Variants in COPS8 observed in about 807,000 individuals in gnomAD.
COPS8 encodes COP9 signalosome complex subunit 8.
A neutral mutation model predicts 31.5 loss-of-function variants in COPS8; 11 were observed. The observed-to-expected ratio is 0.35, with a 90% CI of 0.22 to 0.58. The LOEUF (loss-of-function observed/expected upper bound fraction) is 0.58, where lower values mean the gene tolerates loss of function less well. COPS8 is among the 20% of genes least tolerant of loss of function. COPS8 has a pLI of 0.83. For missense variants in COPS8, 215 were observed against 255.1 expected (o/e 0.84, Z 1.07); for synonymous variants, 81 against 89.3 (o/e 0.91, Z 0.52).
In COPS8 at chr2:237,089,990, T is replaced by C. The variant is rs1347338599; in HGVS notation, c.327T>C (p.Leu109=). 6.2e-7 allele frequency: 1 copy of C among 1,613,636 alleles called. No homozygotes were observed. Among genetic ancestry groups the C allele is most frequent in the South Asian group, 1.1e-5 (1 of 90,980 alleles). The change falls in exon 4 of 8, where the codon CTT becomes CTC. Residue 109 remains leucine, a synonymous_variant. Coordinates refer to ENST00000354371, the MANE Select transcript of COPS8 (RefSeq NM_006710.5). The part of the protein sequence containing the change: ...SETVQPIMEA[L]RDATRRRAFA... Reference sequence around the variant, plus strand: ...CGGTCCAGCCAATTATGGAAGCACTTAGAGGTAGTGTTTCTTTGTGGTTAA... The same window carrying C: ...CGGTCCAGCCAATTATGGAAGCACTCAGAGGTAGTGTTTCTTTGTGGTTAA...
At position 237,097,954 on chromosome 2, in the gene COPS8, GTATT is replaced by G; in HGVS notation, c.*215_*218del. On this transcript the variant is annotated 3_prime_UTR_variant, in exon 8 of 8. Coordinates refer to ENST00000354371, the MANE Select transcript of COPS8 (RefSeq NM_006710.5). ...TTGTTGAAACAGTTCTCATTTTGTAGTATTTAATAATCTGGATGGAGCCTGTCAG... is the reference window on the plus strand; with the variant it reads ...TTGTTGAAACAGTTCTCATTTTGTAGTAATAATCTGGATGGAGCCTGTCAG... 2 of 434,958 alleles carry G rather than the reference GTATT, an allele frequency of 4.6e-6. No homozygotes were observed. The highest frequency in any genetic ancestry group is 4.1e-6 in the Non-Finnish European group (1 of 241,466). 26.9% of individuals were successfully genotyped at this position (434,958 alleles called of 1,614,324 possible). A position where few individuals can be genotyped will look rare whatever the true frequency, so the allele number is the denominator to read the frequency against.
chr2:237,097,686 C>A lies in COPS8; in HGVS notation c.574C>A (p.Pro192Thr). The change falls in exon 8 of 8, where the codon CCC (proline) becomes ACC (threonine). Residue 192 changes from proline to threonine, a missense_variant. Pro to Thr is a conservative substitution (Grantham distance 38). Coordinates refer to ENST00000354371, the MANE Select transcript of COPS8 (RefSeq NM_006710.5). The stretch of plus-strand genomic sequence containing the variant: ...AGAGCCTGCTCCAGTTCCCCCAATA[C>A]CCAATGAACAGCAGTTAGCCAGACT... ...LSEPAPVPPI[P>T]NEQQLARLTD... 1 of 1,613,166 alleles carries A rather than the reference C, an allele frequency of 6.2e-7. No homozygotes were observed. The highest frequency in any genetic ancestry group is 8.5e-7 in the Non-Finnish European group (1 of 1,179,384).
chr2:237,091,805 G>T (rs56719798), intron 4 of COPS8, among the ~76,000 whole-genome samples: 1 of 152,198 alleles, frequency 6.6e-6, no homozygotes, highest in Admixed American at 6.5e-5. Flanking sequence ...GTGTTACTGG[G>T]GCTGCCCCAC....
intron 3 of COPS8, among the ~76,000 whole-genome samples, chr2:237,089,551 C>T (rs1309574852): frequency 1.3e-5 from 2 of 152,088 alleles, no homozygotes; most frequent in Non-Finnish European, 1.5e-5. Context: ...TAAAAACAAT[C>T]CTTAAGCTAA....
intron 2 of COPS8, chr2:237,087,430 CA>C: frequency 2.0e-6 from 1 of 511,400 alleles, no homozygotes; most frequent in South Asian, 2.4e-5. Context: ...CAAATTACGT[CA>C]GTAAATTCAT....
Position 237,088,633 on chromosome 2 carries a change from A to C in COPS8, c.178A>C (p.Ile60Leu), listed in dbSNP as rs1316977411. ...MNNARYLWKR[I>L]PPAIKSANSE... The stretch of plus-strand genomic sequence containing the variant: ...TAATGCAAGATATCTTTGGAAAAGA[A>C]TACCACCTGCTATAAAATCTGTAAG... The change falls in exon 3 of 8, where the codon ATA (isoleucine) becomes CTA (leucine). Residue 60 changes from isoleucine (I) to leucine (L), a missense_variant. Transcript: ENST00000354371. 1 of 1,596,314 alleles carries C rather than the reference A, an allele frequency of 6.3e-7. No homozygotes were observed. Among genetic ancestry groups the C allele is most frequent in the East Asian group, 2.2e-5 (1 of 44,654 alleles).
In COPS8 at chr2:237,095,888, G is replaced by A; in HGVS notation, c.502+4G>A. The A allele has an allele frequency of 6.2e-7, 1 of 1,608,904 alleles. No individual in the cohort carries two copies. Among genetic ancestry groups the A allele is most frequent in the Non-Finnish European group, 8.5e-7 (1 of 1,175,298 alleles). On this transcript the variant is annotated splice_donor_region_variant and intron_variant, in intron 6 of 7. Coordinates refer to ENST00000354371, the MANE Select transcript of COPS8 (RefSeq NM_006710.5). ...ATGGTTCTGCCCAGAAAGCCAGGTA[G>A]GTGGAGCTTTCACCCATTTACGCAG...
intron 3 of COPS8, among the ~76,000 whole-genome samples, chr2:237,089,052 A>G (rs1181273140): frequency 6.6e-6 from 1 of 152,220 alleles, no homozygotes; most frequent in Non-Finnish European, 1.5e-5. Flanking sequence ...ATTGACAGCA[A>G]TAAGATTATT....
intron 4 of COPS8, chr2:237,093,533 G>A (rs774486865): frequency 3.0e-5 from 8 of 270,134 alleles, no homozygotes; most frequent in Non-Finnish European, 4.0e-5. Flanking sequence ...TGCTGGTATT[G>A]TTTGGCAGTC....
intron 4 of COPS8, 176 bp from the exon 5 acceptor site, chr2:237,093,914 T>C: frequency 3.2e-6 from 4 of 1,241,994 alleles, no homozygotes; most frequent in Non-Finnish European, 4.0e-6. Flanking sequence ...TCCAGCAATA[T>C]TTGAACCCCC....
In COPS8 at chr2:237,097,778, C is replaced by T. The variant is rs768595442; in HGVS notation, c.*36C>T. On this transcript the variant is annotated 3_prime_UTR_variant, in exon 8 of 8. Transcript: ENST00000354371. ...TGAGTTCAAGATTCATCTTCAGAAT[C>T]CTGTATACTGACAAACGTAGAAATG... 3.4e-6 allele frequency: 5 copies of T among 1,450,768 alleles called. No individual in the cohort carries two copies. The highest frequency in any genetic ancestry group is 1.1e-5 in the South Asian group (1 of 87,060). The allele number at this position is 1,450,768 out of a possible 1,614,324, so 89.9% of individuals were successfully genotyped here.
chr2:237,095,755 G>A (rs1384891994), intron 5 of COPS8, 67 bp from the exon 6 acceptor site: 5 of 1,050,916 alleles, frequency 4.8e-6, no homozygotes, highest in Non-Finnish European at 6.0e-6. Context: ...TAATGTCATG[G>A]ACAAGTTGTG....
chr2:237,095,202 A>G (rs1228961888), intron 5 of COPS8, among the ~76,000 whole-genome samples: 1 of 152,082 alleles, frequency 6.6e-6, no homozygotes, highest in Admixed American at 6.6e-5. Flanking sequence ...TTTATTTTCT[A>G]TATATAACAT....
At position 237,096,902 on chromosome 2, in the gene COPS8, C is replaced by T. The variant is rs747073541; in HGVS notation, c.550+33C>T. 12 of 1,444,234 alleles carry T rather than the reference C, an allele frequency of 8.3e-6. No homozygotes were observed. In the Admixed American group the frequency reaches 2.1e-4, roughly 26 times the overall value. The allele number at this position is 1,444,234 out of a possible 1,614,324, so 89.5% of individuals were successfully genotyped here. Reference sequence around the variant, plus strand: ...TTTTCATATGCACATTTTTTAATGTCTCATTGTTCCTAATTTCTTTTTTGT... The same window carrying T: ...TTTTCATATGCACATTTTTTAATGTTTCATTGTTCCTAATTTCTTTTTTGT... On this transcript the variant is annotated intron_variant, in intron 7 of 7. Transcript: ENST00000354371.
chr2:237,091,198 G>C (rs751593812), intron 4 of COPS8, among the ~76,000 whole-genome samples: 2 of 152,128 alleles, frequency 1.3e-5, no homozygotes, highest in African/African-American at 2.4e-5. Flanking sequence ...AATTCCATGA[G>C]ATTGAGAATT....
chr2:237,093,987 T>C (rs1444176807), intron 4 of COPS8, 103 bp from the exon 5 acceptor site: 2 of 1,501,832 alleles, frequency 1.3e-6, no homozygotes, highest in African/African-American at 2.8e-5. Context: ...TCATCTGGCC[T>C]TGCTTATGAA....
At chr2:237,096,912 C>A in intron 7 of COPS8, 43 bp downstream of exon 7, 1 of 1,409,138 alleles carries the variant, frequency 7.1e-7, no homozygotes, top group Non-Finnish European at 9.9e-7. Context: ...CTCATTGTTC[C>A]TAATTTCTTT....
At position 237,098,727 on chromosome 2, in the gene COPS8, C is replaced by T. The variant is rs1186697503; in HGVS notation, c.*985C>T. ...TCTAAGATAGTTTCTGGAAATTTCA[C>T]TCTCGATCTTTCTGTGGACACAATC... On this transcript the variant is annotated 3_prime_UTR_variant, in exon 8 of 8. Transcript: ENST00000354371. 6.6e-6 allele frequency: 1 copy of T among 152,190 alleles called. No individual in the cohort carries two copies. Among genetic ancestry groups the T allele is most frequent in the Non-Finnish European group, 1.5e-5 (1 of 68,024 alleles). 9.4% of individuals were successfully genotyped at this position (152,190 alleles called of 1,614,324 possible). A position where few individuals can be genotyped will look rare whatever the true frequency, so the allele number is the denominator to read the frequency against.
rs1696847222 is a variant in COPS8 at position 237,098,788 on chromosome 2, A to G, written c.*1046A>G. ...TTGTGTCTATATGAATCTCTTAAGT[A>G]GAAATGAGTTGTATGGTGAATCTGT... On this transcript the variant is annotated 3_prime_UTR_variant, in exon 8 of 8. Transcript: ENST00000354371. 6.6e-6 allele frequency: 1 copy of G among 152,240 alleles called. No homozygotes were observed. The highest frequency in any genetic ancestry group is 2.1e-4 in the South Asian group (1 of 4,834). The allele number at this position is 152,240 out of a possible 1,614,324, so 9.4% of individuals were successfully genotyped here.
Sources: allele counts gnomAD v4.1 joint callset (sites outside exome capture counted in the v4.1 genomes callset), GRCh38; gene constraint gnomAD v4.1.1; transcripts MANE v1.5; gene names NCBI Gene and HGNC (gene_info 2026-07-23, HGNC 2026-07-21).